The following ABL1 variants were observed in gnomAD, a reference collection of about 807,000 sequenced individuals.
ABL1 encodes the protein ABL proto-oncogene 1, non-receptor tyrosine kinase, also known as tyrosine-protein kinase ABL1.
In ABL1, 11 loss-of-function variants were observed where a neutral mutation model predicts 94.7. The ratio of observed to expected loss-of-function variants is 0.12; its 90% CI spans 0.07 to 0.19. ABL1 has a LOEUF of 0.19. Ranked by LOEUF, ABL1 falls within the 10% of genes least tolerant of loss-of-function variation. The pLI, the probability that ABL1 is intolerant of heterozygous loss-of-function variation, is 1.00. For missense variants in ABL1, 1,082 were observed against 1,489.4 expected (o/e 0.73, Z 4.50); for synonymous variants, 656 against 622.4 (o/e 1.05, Z -0.80).
Position 130,887,528 on chromosome 9 carries a change from C to T in ABL1, c.*1845C>T. The T allele has an allele frequency of 4.3e-6, 1 of 233,220 alleles. No individual in the cohort carries two copies. The highest frequency in any genetic ancestry group is 6.0e-5 in the East Asian group (1 of 16,532). The allele number at this position is 233,220 out of a possible 1,614,324, so 14.4% of individuals were successfully genotyped here. Reference sequence around the variant, plus strand: ...AAGTGGCGTGTGCATAGCGTCCTGCCCTGCCCCCTCGGGGGCCTGTGGTGG... The same window carrying T: ...AAGTGGCGTGTGCATAGCGTCCTGCTCTGCCCCCTCGGGGGCCTGTGGTGG... On this transcript the variant is annotated 3_prime_UTR_variant, in exon 11 of 11. Coordinates refer to ENST00000318560, the MANE Select transcript of ABL1 (RefSeq NM_005157.6).
chr9:130,848,108 G>A (rs1184673840), intron 1 of ABL1, among the ~76,000 whole-genome samples: 2 of 152,146 alleles, frequency 1.3e-5, no homozygotes, highest in African/African-American at 4.8e-5. Flanking sequence ...TCATGGCCAC[G>A]AGGTTGACGC....
intron 1 of ABL1, among the ~76,000 whole-genome samples, chr9:130,790,994 C>T (rs1829901880): frequency 1.3e-5 from 2 of 152,194 alleles, no homozygotes; most frequent in Admixed American, 6.5e-5. Context: ...TCTCTTGGAA[C>T]AGGTTCTAAG....
intron 1 of ABL1, among the ~76,000 whole-genome samples, chr9:130,845,538 A>G (rs1830754423): frequency 6.6e-6 from 1 of 151,830 alleles, no homozygotes; most frequent in South Asian, 2.1e-4. Context: ...GACGTGGTTT[A>G]GTAGAGACGA....
intron 1 of ABL1, among the ~76,000 whole-genome samples, chr9:130,775,762 T>G (rs1000971270): frequency 2.6e-5 from 4 of 151,798 alleles, no homozygotes; most frequent in Admixed American, 6.6e-5. Flanking sequence ...AAAAAAAGTC[T>G]TCTCCAAATA....
chr9:130,766,391 G>C (rs1303100174), intron 1 of ABL1, among the ~76,000 whole-genome samples: 2 of 152,226 alleles, frequency 1.3e-5, no homozygotes, highest in Non-Finnish European at 2.9e-5. Flanking sequence ...TAAACATGCA[G>C]TGAAGGGCGG....
rs773393725 is a variant in ABL1, at chr9:130,884,979, C to T, written c.2689C>T (p.Pro897Ser). 6.8e-6 allele frequency: 11 copies of T among 1,610,508 alleles called. No homozygotes were observed. Among genetic ancestry groups the T allele is most frequent in the Non-Finnish European group, 9.3e-6 (11 of 1,179,256 alleles). Residue 897 changes from proline to serine, a missense_variant, in exon 11 of 11, where the codon CCT (proline) becomes TCT (serine). Pro to Ser is a moderately conservative substitution (Grantham distance 74, BLOSUM62 -1). Transcript: ENST00000318560. This position sits in a 1 kb window ranked among gnomAD's most constrained non-coding sequence, Gnocchi z 5.6. ...RDKGKLSRLK[P>S]APPPPPAASA... Reference sequence around the variant, plus strand: ...CAAGGGGAAATTGTCCAGGCTCAAACCTGCCCCGCCGCCCCCACCAGCAGC... The same window carrying T: ...CAAGGGGAAATTGTCCAGGCTCAAATCTGCCCCGCCGCCCCCACCAGCAGC...
At chr9:130,822,657 T>A (rs1011709785) in intron 1 of ABL1, among the ~76,000 whole-genome samples, 1 of 152,138 alleles carries the variant, frequency 6.6e-6, no homozygotes, top group Non-Finnish European at 1.5e-5. Flanking sequence ...CTAATGATAC[T>A]GAACATCTTT....
intron 1 of ABL1, among the ~76,000 whole-genome samples, chr9:130,765,696 A>C (rs1832174235): frequency 1.3e-5 from 2 of 152,200 alleles, no homozygotes; most frequent in Admixed American, 1.3e-4. Flanking sequence ...GTAGAGGCAC[A>C]ATTAGACCTG....
chr9:130,875,649 C>G (rs193132679), intron 7 of ABL1, among the ~76,000 whole-genome samples: 237 of 152,302 alleles, frequency 1.6e-3, no homozygotes, highest in Non-Finnish European at 2.5e-3. Context: ...ATATGTTCCT[C>G]TGACTTCAGT....
At chr9:130,859,453 C>T (rs542119993) in intron 3 of ABL1, among the ~76,000 whole-genome samples, 1 of 152,028 alleles carries the variant, frequency 6.6e-6, no homozygotes, top group South Asian at 2.1e-4. Flanking sequence ...CTAACCTGCT[C>T]TGGTGGAGGG....
At chr9:130,770,734 A>G (rs181108347) in intron 1 of ABL1, among the ~76,000 whole-genome samples, 1 of 152,348 alleles carries the variant, frequency 6.6e-6, no homozygotes, top group East Asian at 1.9e-4. Context: ...TGCTTGTTAA[A>G]TAAATAAAAA....
intron 10 of ABL1, among the ~76,000 whole-genome samples, chr9:130,883,267 G>A (rs1006960787): frequency 8.5e-5 from 13 of 152,216 alleles, no homozygotes; most frequent in African/African-American, 2.9e-4. Context: ...GGAGGCCAAG[G>A]CGGGTGGATC....
chr9:130,831,478 C>A (rs1369505685), upstream of ABL1, among the ~76,000 whole-genome samples: 2 of 152,178 alleles, frequency 1.3e-5, no homozygotes, highest in East Asian at 3.8e-4. Context: ...GTAACTTGTT[C>A]TAGAACTATG....
rs2133038000 is a variant in ABL1 at position 130,884,914 on chromosome 9, T to G, written c.2624T>G (p.Val875Gly). The change falls in exon 11 of 11, where the codon GTG becomes GGG. Residue 875 changes from valine to glycine, a missense_variant. By Grantham distance (109) the Val-to-Gly change is moderately radical (BLOSUM62 -3). Coordinates refer to ENST00000318560, the MANE Select transcript of ABL1 (RefSeq NM_005157.6). This position sits in a 1 kb window ranked among gnomAD's most constrained non-coding sequence, Gnocchi z 5.6. ...TSKGPAEESR[V>G]RRHKHSSESP... ...AAGGGCCCCGCCGAGGAGTCCAGAGTGAGGAGGCACAAGCACTCCTCTGAG... is the reference window on the plus strand; with the variant it reads ...AAGGGCCCCGCCGAGGAGTCCAGAGGGAGGAGGCACAAGCACTCCTCTGAG... 6.2e-7 allele frequency: 1 copy of G among 1,611,264 alleles called. No homozygotes were observed. Among genetic ancestry groups the G allele is most frequent in the Non-Finnish European group, 8.5e-7 (1 of 1,179,480 alleles).
At chr9:130,820,986 G>A (rs1212130678) in intron 1 of ABL1, among the ~76,000 whole-genome samples, 7 of 151,960 alleles carry the variant, frequency 4.6e-5, no homozygotes, top group African/African-American at 1.7e-4. Flanking sequence ...CTGGAGTGCA[G>A]TGGTGCAATC....
rs193137713 is a variant in ABL1, at chr9:130,885,203, G to A, written c.2913G>A (p.Pro971=). Residue 971 remains proline, a synonymous_variant, in exon 11 of 11, where the codon CCG becomes CCA. Transcript: ENST00000318560. ...CTCCAAAGCCACAGTCCGCCAAGCCGTCGGGGACCCCCATCAGCCCAGCCC... is the reference window on the plus strand; with the variant it reads ...CTCCAAAGCCACAGTCCGCCAAGCCATCGGGGACCCCCATCAGCCCAGCCC... The part of the protein sequence containing the change: ...PATPKPQSAK[P]SGTPISPAPV... 40 of 1,613,610 alleles carry A rather than the reference G, an allele frequency of 2.5e-5. No individual in the cohort carries two copies. Among genetic ancestry groups the A allele is most frequent in the East Asian group, 1.3e-4 (6 of 44,878 alleles).
At chr9:130,865,768 A>G (rs531218764) in intron 4 of ABL1, among the ~76,000 whole-genome samples, 92 of 150,174 alleles carry the variant, frequency 6.1e-4, no homozygotes, top group Admixed American at 1.3e-3. Flanking sequence ...AAAAAAAAAA[A>G]GCTGAAATCC....
chr9:130,745,158 T>C (rs551019623), intron 1 of ABL1, among the ~76,000 whole-genome samples: 80 of 148,486 alleles, frequency 5.4e-4, no homozygotes, highest in Middle Eastern at 3.5e-3. Flanking sequence ...GATCTCGGCT[T>C]ACTGCAACCT....
chr9:130,785,913 A>G (rs983343122), intron 1 of ABL1, among the ~76,000 whole-genome samples: 5 of 141,064 alleles, frequency 3.5e-5, no homozygotes, highest in Non-Finnish European at 7.5e-5. Context: ...ACATTCTGGA[A>G]CTCTGTCTCA....
Sources: allele counts gnomAD v4.1 joint callset (sites outside exome capture counted in the v4.1 genomes callset), GRCh38; gene constraint gnomAD v4.1.1; non-coding constraint Gnocchi (gnomAD v3.1); transcripts MANE v1.5; gene names NCBI Gene and HGNC (gene_info 2026-07-23, HGNC 2026-07-21).